The following RBFOX1 variants were observed in gnomAD, a reference collection of about 807,000 sequenced individuals.
The protein encoded by RBFOX1 is RNA binding protein fox-1 homolog 1.
RBFOX1 carries 8 observed loss-of-function variants against 57.7 expected under a neutral mutation model. That is an observed-to-expected ratio of 0.14 (90% confidence interval 0.08 to 0.25). The LOEUF is 0.25. RBFOX1 is among the 10% of genes least tolerant of loss of function. The pLI, the probability that RBFOX1 is intolerant of heterozygous loss-of-function variation, is 1.00. For synonymous variants in RBFOX1, 326 were observed against 222.4 expected, an observed-to-expected ratio of 1.47 and a Z score of -4.15; for missense variants, 611 against 548.5, an observed-to-expected ratio of 1.11 and a Z score of -1.14.
At chr16:6,650,468 T>C (rs1300673937) in intron 2 of RBFOX1, among the ~76,000 whole-genome samples, 1 of 152,128 alleles carries the variant, frequency 6.6e-6, no homozygotes, top group Non-Finnish European at 1.5e-5. Flanking sequence ...CATTGTGTGA[T>C]TCAGTATGAG....
chr16:6,890,217 T>C (rs1249258224), intron 3 of RBFOX1, among the ~76,000 whole-genome samples: 3 of 152,178 alleles, frequency 2.0e-5, no homozygotes, highest in Non-Finnish European at 2.9e-5. Context: ...CCCTAAAATA[T>C]TGTTATGAAA....
intron 2 of RBFOX1, among the ~76,000 whole-genome samples, chr16:6,393,347 C>T (rs2092688703): frequency 2.6e-5 from 4 of 152,154 alleles, no homozygotes. Flanking sequence ...AGACAGTCAC[C>T]TGTGGAGCTT....
intron 2 of RBFOX1, among the ~76,000 whole-genome samples, chr16:5,588,305 A>C (rs535836549): frequency 9.2e-5 from 14 of 152,284 alleles, no homozygotes; most frequent in Admixed American, 3.3e-4. Flanking sequence ...TGAACATACT[A>C]AAACCCATGG....
intron 5 of RBFOX1, among the ~76,000 whole-genome samples, chr16:7,530,944 G>C (rs1003522871): frequency 6.6e-6 from 1 of 152,058 alleles, no homozygotes; most frequent in African/African-American, 2.4e-5. Context: ...GAATGTACCT[G>C]GGCTTGAGGA....
intron 1 of RBFOX1, among the ~76,000 whole-genome samples, chr16:6,175,058 GT>G (rs1394510038): frequency 3.3e-5 from 5 of 152,150 alleles, no homozygotes; most frequent in African/African-American, 1.2e-4. Context: ...ATCTCCCAGA[GT>G]TGTTATAAAG....
intron 1 of RBFOX1, among the ~76,000 whole-genome samples, chr16:6,179,682 C>G (rs548560671): frequency 6.6e-6 from 1 of 152,280 alleles, no homozygotes; most frequent in East Asian, 1.9e-4. Context: ...CTTTCCCCAC[C>G]CTTTCCTATT....
intron 3 of RBFOX1, among the ~76,000 whole-genome samples, chr16:5,627,641 A>G (rs2048383676): frequency 1.3e-5 from 2 of 152,242 alleles, no homozygotes; most frequent in South Asian, 4.1e-4. Context: ...CCCAAAGTAG[A>G]AGTACAGTTG....
intron 1 of RBFOX1, among the ~76,000 whole-genome samples, chr16:6,228,062 G>C (rs771278582): frequency 2.0e-5 from 3 of 152,142 alleles, no homozygotes; most frequent in Non-Finnish European, 4.4e-5. Context: ...TATAATCCCA[G>C]CCCTTTAGGA....
intron 3 of RBFOX1, among the ~76,000 whole-genome samples, chr16:7,005,975 C>T (rs1033491573): frequency 1.2e-4 from 19 of 152,212 alleles, no homozygotes; most frequent in Admixed American, 4.6e-4. Flanking sequence ...CTCAGGATCA[C>T]GTAACAGAAA....
chr16:7,237,727 A>G (rs1882585), intron 4 of RBFOX1, among the ~76,000 whole-genome samples: 98,638 of 152,052 alleles, frequency 0.65, 33,236 homozygotes, highest in East Asian at 0.96. Flanking sequence ...ATTCTGGCCG[A>G]CTGTGTGGTG....
intron 1 of RBFOX1, among the ~76,000 whole-genome samples, chr16:6,076,531 G>A (rs545210621): frequency 7.2e-5 from 11 of 152,058 alleles, no homozygotes; most frequent in African/African-American, 1.7e-4. Flanking sequence ...ACAGTGGTGC[G>A]ATCATAGCTC....
At chr16:7,577,917 A>T (rs891943115) in intron 5 of RBFOX1, among the ~76,000 whole-genome samples, 2 of 152,180 alleles carry the variant, frequency 1.3e-5, no homozygotes, top group African/African-American at 4.8e-5. Flanking sequence ...ACAAAAGACA[A>T]TGACAAAATG....
chr16:7,250,035 C>T (rs1306391982), intron 4 of RBFOX1, among the ~76,000 whole-genome samples: 1 of 152,148 alleles, frequency 6.6e-6, no homozygotes, highest in Non-Finnish European at 1.5e-5. Flanking sequence ...ATTTGTTTTG[C>T]ACGTATTTGG....
intron 3 of RBFOX1, among the ~76,000 whole-genome samples, chr16:6,716,245 TC>T (rs925805909): frequency 1.3e-5 from 2 of 152,182 alleles, no homozygotes; most frequent in Admixed American, 6.5e-5. Context: ...AGTATGTATT[TC>T]CCCTTTGCCT....
intron 4 of RBFOX1, among the ~76,000 whole-genome samples, chr16:5,891,086 A>T (rs2058034975): frequency 6.6e-6 from 1 of 152,142 alleles, no homozygotes; most frequent in Admixed American, 6.5e-5. Flanking sequence ...ATACTTGTCA[A>T]CCGTAACTGT....
intron 2 of RBFOX1, among the ~76,000 whole-genome samples, chr16:6,421,990 G>A (rs147611089): frequency 0.014 from 1,955 of 143,030 alleles, 40 homozygotes; most frequent in African/African-American, 0.047. Context: ...GTGCTATCTC[G>A]GCTCACTGCA....
chr16:7,301,805 A>G (rs982651237), intron 4 of RBFOX1, among the ~76,000 whole-genome samples: 17 of 152,202 alleles, frequency 1.1e-4, no homozygotes, highest in African/African-American at 3.4e-4. Context: ...TTGACGCAAC[A>G]GTAAAGAATG....
At chr16:6,895,496 C>T (rs539155430) in intron 3 of RBFOX1, among the ~76,000 whole-genome samples, 1 of 113,798 alleles carries the variant, frequency 8.8e-6, no homozygotes, top group Admixed American at 9.3e-5. Context: ...ATTTATTCCC[C>T]TATTGGATAA....
At chr16:7,566,071 C>T (rs879917655) in intron 5 of RBFOX1, among the ~76,000 whole-genome samples, 18 of 152,122 alleles carry the variant, frequency 1.2e-4, no homozygotes, top group African/African-American at 2.7e-4. Flanking sequence ...TGTTTATCCA[C>T]GGGACGCTCA....
Sources: gnomAD v4.1 joint callset for allele counts (sites outside exome capture counted in the v4.1 genomes callset) on GRCh38, gnomAD v4.1.1 for gene constraint, MANE v1.5 for transcripts, NCBI Gene and HGNC (gene_info 2026-07-23, HGNC 2026-07-21) for gene names.